The following DLG2 variants were observed in gnomAD, a reference collection of about 807,000 sequenced individuals.
DLG2 encodes disks large homolog 2.
DLG2 carries 45 observed loss-of-function variants against 132.5 expected under a neutral mutation model. The observed-to-expected ratio is 0.34, with a 90% CI of 0.27 to 0.44. The LOEUF (loss-of-function observed/expected upper bound fraction) is 0.44, where lower values mean the gene tolerates loss of function less well. Among genes scored for constraint, DLG2 ranks in the 20% least tolerant of loss-of-function variants. The pLI, the probability that DLG2 is intolerant of heterozygous loss-of-function variation, is 1.00. For synonymous variants in DLG2, 424 were observed against 419.6 expected, an observed-to-expected ratio of 1.01 and a Z score of -0.13; for missense variants, 1,045 against 1,196.9, an observed-to-expected ratio of 0.87 and a Z score of 1.87.
At chr11:85,309,996 T>C (rs1401973248) in intron 3 of DLG2, among the ~76,000 whole-genome samples, 1 of 152,230 alleles carries the variant, frequency 6.6e-6, no homozygotes. Context: ...CAGATGCTGA[T>C]ACAATCATTT....
chr11:84,962,400 G>A (rs182383954), intron 6 of DLG2, among the ~76,000 whole-genome samples: 28 of 152,186 alleles, frequency 1.8e-4, no homozygotes, highest in Admixed American at 1.6e-3. Context: ...CTTTTATTAG[G>A]TGGGTAACCA....
At chr11:84,079,213 A>G (rs1251182826) in intron 10 of DLG2, among the ~76,000 whole-genome samples, 1 of 151,876 alleles carries the variant, frequency 6.6e-6, no homozygotes, top group Non-Finnish European at 1.5e-5. Context: ...CTTTTTGCCA[A>G]CACCTTAGTT....
At chr11:84,663,238 TATATATA>T (rs2099696489) in intron 6 of DLG2, among the ~76,000 whole-genome samples, 1 of 67,018 alleles carries the variant, frequency 1.5e-5, no homozygotes, top group South Asian at 3.7e-4. Flanking sequence ...GTTATATATA[TATATATA>T]TATATTTTTT....
chr11:85,008,751 G>T (rs577990073), intron 6 of DLG2, among the ~76,000 whole-genome samples: 6 of 152,062 alleles, frequency 3.9e-5, no homozygotes, highest in South Asian at 4.2e-4. Context: ...GAGCAATTCT[G>T]CTGTCATTAA....
In DLG2 at chr11:83,979,608, T is replaced by C. The variant is rs902280349; in HGVS notation, c.1056+898A>G. On this transcript the variant is annotated intron_variant, in intron 12 of 27. Coordinates refer to ENST00000376104, the MANE Select transcript of DLG2 (RefSeq NM_001142699.3). ...TTCAGAAAGACTGGCTGTGTGTCAATGTCAATCACTGCCTAGGACTACTGA... is the reference window on the plus strand; with the variant it reads ...TTCAGAAAGACTGGCTGTGTGTCAACGTCAATCACTGCCTAGGACTACTGA... Among the ~76,000 whole-genome samples the C allele has an allele frequency of 7.2e-5, 11 of 152,274 alleles. No homozygotes were observed. The South Asian group carries it at 2.1e-3, about 29-fold the overall frequency.
intron 15 of DLG2, among the ~76,000 whole-genome samples, chr11:83,909,929 C>T (rs61901829): frequency 0.2 from 30,486 of 152,184 alleles, 3,342 homozygotes; most frequent in Non-Finnish European, 0.26. Flanking sequence ...TCTCCATGTC[C>T]TGTTCCTGCC....
At chr11:85,610,006 A>C (rs1591287913) in intron 2 of DLG2, among the ~76,000 whole-genome samples, 2 of 152,290 alleles carry the variant, frequency 1.3e-5, no homozygotes, top group East Asian at 3.9e-4. Flanking sequence ...TATTATTTAC[A>C]TGAATATGGG....
At chr11:84,312,564 A>C (rs905150437) in intron 7 of DLG2, among the ~76,000 whole-genome samples, 1 of 152,124 alleles carries the variant, frequency 6.6e-6, no homozygotes, top group African/African-American at 2.4e-5. Flanking sequence ...AAGTATTTCA[A>C]TTTTTTAACT....
At chr11:84,811,102 T>C (rs2076509861) in intron 6 of DLG2, among the ~76,000 whole-genome samples, 1 of 152,168 alleles carries the variant, frequency 6.6e-6, no homozygotes, top group Non-Finnish European at 1.5e-5. Flanking sequence ...CTCTGTATTA[T>C]TTCTGACAAC....
chr11:83,894,517 A>C (rs2154091316), intron 15 of DLG2, among the ~76,000 whole-genome samples: 1 of 152,318 alleles, frequency 6.6e-6, no homozygotes, highest in South Asian at 2.1e-4. Context: ...AATAAAGTTA[A>C]AATTGATACA....
At chr11:84,581,477 T>A (rs577461719) in intron 6 of DLG2, among the ~76,000 whole-genome samples, 24 of 152,204 alleles carry the variant, frequency 1.6e-4, no homozygotes, top group Non-Finnish European at 3.1e-4. Context: ...TTAAAGAAAT[T>A]GTTGGGCACA....
chr11:85,332,743 C>T (rs2081853255), intron 3 of DLG2, among the ~76,000 whole-genome samples: 1 of 151,862 alleles, frequency 6.6e-6, no homozygotes, highest in South Asian at 2.1e-4. Flanking sequence ...ATTGTCGACC[C>T]TCTCAAAGAT....
intron 16 of DLG2, among the ~76,000 whole-genome samples, chr11:83,873,936 A>C (rs528269623): frequency 6.6e-6 from 1 of 152,312 alleles, no homozygotes; most frequent in South Asian, 2.1e-4. Flanking sequence ...ACACTGTATC[A>C]CAAGTGTGTG....
At chr11:84,042,706 A>G (rs1244255340) in intron 11 of DLG2, among the ~76,000 whole-genome samples, 1 of 151,872 alleles carries the variant, frequency 6.6e-6, no homozygotes, top group Non-Finnish European at 1.5e-5. Context: ...TGCAACCATA[A>G]AAAGGAATGA....
intron 4 of DLG2, among the ~76,000 whole-genome samples, chr11:85,256,257 C>T (rs188457193): frequency 3.7e-4 from 56 of 152,238 alleles, no homozygotes; most frequent in African/African-American, 1.3e-3. Context: ...AGAATCTGAA[C>T]ATCAAAAGGA....
chr11:84,729,557 G>A (rs1410311341), intron 6 of DLG2, among the ~76,000 whole-genome samples: 1 of 152,068 alleles, frequency 6.6e-6, no homozygotes, highest in South Asian at 2.1e-4. Context: ...ATATTCTGTT[G>A]AATTGGAGTG....
chr11:85,022,494 G>A (rs917221116), intron 6 of DLG2, among the ~76,000 whole-genome samples: 2 of 151,878 alleles, frequency 1.3e-5, no homozygotes, highest in African/African-American at 4.8e-5. Flanking sequence ...CATAAACTAG[G>A]AACTATAAAA....
chr11:84,265,424 A>G (rs915116609), intron 7 of DLG2, among the ~76,000 whole-genome samples: 5 of 152,178 alleles, frequency 3.3e-5, no homozygotes, highest in African/African-American at 9.6e-5. Context: ...TTTACCCAAG[A>G]TAGCAAATGG....
chr11:85,111,854 A>T, intron 5 of DLG2, 119 bp from the exon 6 acceptor site: 1 of 720,110 alleles, frequency 1.4e-6, no homozygotes, highest in South Asian at 3.0e-5. Flanking sequence ...TAGAGAGAGA[A>T]TGCTTTGTTG....
Sources: gnomAD v4.1 joint callset for allele counts (sites outside exome capture counted in the v4.1 genomes callset) on GRCh38, gnomAD v4.1.1 for gene constraint, MANE v1.5 for transcripts, NCBI Gene and HGNC (gene_info 2026-07-23, HGNC 2026-07-21) for gene names.